The following THSD7A variants were observed in gnomAD, a reference collection of about 807,000 sequenced individuals.
The protein encoded by THSD7A is thrombospondin type-1 domain-containing protein 7A.
Under a neutral mutation model 231.3 loss-of-function variants are expected in THSD7A, and 96 were observed. The observed-to-expected ratio is 0.41, with a 90% CI of 0.35 to 0.49. The LOEUF (loss-of-function observed/expected upper bound fraction) is 0.49. Among genes scored for constraint, THSD7A ranks in the 20% least tolerant of loss-of-function variants. The pLI, the probability that THSD7A is intolerant of heterozygous loss-of-function variation, is 0.05. For missense variants in THSD7A, 2,290 were observed against 2,070.2 expected (o/e 1.11, Z -2.06); for synonymous variants, 940 against 743.3 (o/e 1.26, Z -4.30).
chr7:11,762,616 C>T (rs1290192131), intron 1 of THSD7A, among the ~76,000 whole-genome samples: 1 of 151,982 alleles, frequency 6.6e-6, no homozygotes, highest in African/African-American at 2.4e-5. Flanking sequence ...GTTTAAGTTC[C>T]TTATAAGTTC....
At chr7:11,671,326 A>AT (rs1783384018) in intron 1 of THSD7A, among the ~76,000 whole-genome samples, 1 of 152,080 alleles carries the variant, frequency 6.6e-6, no homozygotes, top group Non-Finnish European at 1.5e-5. Flanking sequence ...AAAACAGTTT[A>AT]TTTTTCAGTC....
intron 6 of THSD7A, among the ~76,000 whole-genome samples, chr7:11,503,641 G>C (rs184109539): frequency 2.0e-5 from 3 of 152,200 alleles, no homozygotes; most frequent in African/African-American, 7.2e-5. Context: ...ATTAAAAAGT[G>C]GGCAAAGGAC....
At chr7:11,820,267 C>T (rs992770233) in intron 1 of THSD7A, 31 of 438,156 alleles carry the variant, frequency 7.1e-5, no homozygotes, top group Non-Finnish European at 1.2e-4. Context: ...CGCCAGCCAT[C>T]TTTCCAGCAC....
At chr7:11,381,405 AAT>A (rs1196527061) in intron 24 of THSD7A, among the ~76,000 whole-genome samples, 1 of 152,184 alleles carries the variant, frequency 6.6e-6, no homozygotes, top group African/African-American at 2.4e-5. Flanking sequence ...ATATGGAGGA[AAT>A]AAGTAATTGG....
At chr7:11,680,536 CA>C (rs1783828694) in intron 1 of THSD7A, among the ~76,000 whole-genome samples, 1 of 152,076 alleles carries the variant, frequency 6.6e-6, no homozygotes, top group Non-Finnish European at 1.5e-5. Context: ...AAAAAGTGAG[CA>C]AATGATATGA....
chr7:11,418,337 C>A (rs1464273205), intron 16 of THSD7A, among the ~76,000 whole-genome samples: 1 of 152,160 alleles, frequency 6.6e-6, no homozygotes. Flanking sequence ...TGTAAGCAGT[C>A]ATGAAGGGCT....
chr7:11,559,597 C>G (rs1053346144), intron 4 of THSD7A, among the ~76,000 whole-genome samples: 2 of 150,820 alleles, frequency 1.3e-5, no homozygotes, highest in African/African-American at 4.9e-5. Context: ...AGTGTAATAA[C>G]AAAACTGTTG....
intron 1 of THSD7A, among the ~76,000 whole-genome samples, chr7:11,748,535 T>G (rs1399540953): frequency 6.6e-6 from 1 of 151,950 alleles, no homozygotes; most frequent in Non-Finnish European, 1.5e-5. Flanking sequence ...AATATTTCGG[T>G]AATTTAAACC....
At chr7:11,507,275 G>A (rs2128312149) in intron 6 of THSD7A, among the ~76,000 whole-genome samples, 1 of 152,160 alleles carries the variant, frequency 6.6e-6, no homozygotes, top group African/African-American at 2.4e-5. Context: ...TTTCTGGGGT[G>A]AGTTCATGTT....
intron 4 of THSD7A, among the ~76,000 whole-genome samples, chr7:11,557,336 A>T (rs1489980900): frequency 1.3e-5 from 2 of 151,954 alleles, no homozygotes; most frequent in Non-Finnish European, 1.5e-5. Context: ...TTACATCTTC[A>T]ATTAATTTGC....
At chr7:11,778,049 T>G (rs12539431) in intron 1 of THSD7A, among the ~76,000 whole-genome samples, 78,224 of 143,110 alleles carry the variant, frequency 0.55, 21,453 homozygotes, top group East Asian at 0.73. Flanking sequence ...CCCAGCTACT[T>G]GGGAGGCTGA....
intron 1 of THSD7A, among the ~76,000 whole-genome samples, chr7:11,818,311 A>G (rs1190237142): frequency 2.0e-5 from 3 of 152,236 alleles, no homozygotes; most frequent in South Asian, 2.1e-4. Flanking sequence ...TCTGTGTCCA[A>G]TACATTTGCT....
intron 1 of THSD7A, among the ~76,000 whole-genome samples, chr7:11,738,102 G>A (rs1207469854): frequency 6.6e-6 from 1 of 151,902 alleles, no homozygotes; most frequent in Admixed American, 6.6e-5. Flanking sequence ...AGTTTATTGA[G>A]TGCTAGATCT....
chr7:11,567,234 T>C (rs1161054230), intron 4 of THSD7A, among the ~76,000 whole-genome samples: 1 of 152,042 alleles, frequency 6.6e-6, no homozygotes, highest in African/African-American at 2.4e-5. Flanking sequence ...TTAAAAATCA[T>C]GGTGGAAGGT....
intron 1 of THSD7A, among the ~76,000 whole-genome samples, chr7:11,822,257 T>C (rs1396383469): frequency 2.6e-5 from 4 of 152,154 alleles, no homozygotes; most frequent in Non-Finnish European, 4.4e-5. Flanking sequence ...CATCTATGTG[T>C]ACAAATTTTT....
In THSD7A at chr7:11,637,037, C is replaced by A; in HGVS notation, c.191-76G>T. 1 of 1,330,388 alleles carries A rather than the reference C, an allele frequency of 7.5e-7. No homozygotes were observed. Among genetic ancestry groups the A allele is most frequent in the South Asian group, 1.4e-5 (1 of 72,192 alleles). 82.4% of individuals were successfully genotyped at this position (1,330,388 alleles called of 1,614,324 possible). A position where few individuals can be genotyped will look rare whatever the true frequency, so the allele number is the denominator to read the frequency against. ...AAGTTACTGCACATTCCAGAAAGAC[C>A]TTTCAAGACCTAGTACATTAACTTC... On this transcript the variant is annotated intron_variant, in intron 1 of 27. Transcript: ENST00000423059. The surrounding 1 kb of genome is among the most constrained non-coding windows in gnomAD (Gnocchi z 4.2).
At chr7:11,500,871 T>C (rs957895336) in intron 6 of THSD7A, among the ~76,000 whole-genome samples, 23 of 151,384 alleles carry the variant, frequency 1.5e-4, no homozygotes, top group Non-Finnish European at 1.5e-5. Flanking sequence ...GGAGGCAAAG[T>C]TGCACTGAGC....
intron 1 of THSD7A, among the ~76,000 whole-genome samples, chr7:11,672,743 G>A (rs912329719): frequency 2.0e-5 from 3 of 152,114 alleles, no homozygotes; most frequent in Admixed American, 2.0e-4. Context: ...AGCCAGGCTG[G>A]AACTGGAGGC....
chr7:11,727,830 G>A (rs761358903), intron 1 of THSD7A, among the ~76,000 whole-genome samples: 2 of 151,876 alleles, frequency 1.3e-5, no homozygotes, highest in South Asian at 2.1e-4. Flanking sequence ...TCCATTAACA[G>A]TCTAACCCTC....
Sources: allele counts gnomAD v4.1 joint callset (sites outside exome capture counted in the v4.1 genomes callset), GRCh38; gene constraint gnomAD v4.1.1; non-coding constraint Gnocchi (gnomAD v3.1); transcripts MANE v1.5; gene names NCBI Gene and HGNC (gene_info 2026-07-23, HGNC 2026-07-21).